Variants in GAB2 observed in about 807,000 individuals in gnomAD.
GAB2 encodes GRB2-associated-binding protein 2.
GAB2 carries 26 observed loss-of-function variants against 65.5 expected under a neutral mutation model. The observed-to-expected ratio is 0.40, with a 90% CI of 0.29 to 0.55. The LOEUF is 0.55. Ranked by LOEUF, GAB2 falls within the 20% of genes least tolerant of loss-of-function variation. The pLI is 0.53. For missense variants in GAB2, 884 were observed against 875.8 expected (o/e 1.01, Z -0.12); for synonymous variants, 321 against 329.6 (o/e 0.97, Z 0.28).
intron 1 of GAB2, among the ~76,000 whole-genome samples, chr11:78,311,804 G>A (rs529535013): frequency 1.3e-5 from 2 of 152,246 alleles, no homozygotes; most frequent in South Asian, 2.1e-4. Context: ...GGAGCGAGGC[G>A]GTAGTTAGGT....
chr11:78,372,179 T>C (rs115126251), intron 1 of GAB2, among the ~76,000 whole-genome samples: 1,874 of 152,306 alleles, frequency 0.012, 32 homozygotes, highest in African/African-American at 0.043. Flanking sequence ...CCAGGCTTTG[T>C]ACAAAATACC....
At chr11:78,340,715 C>T (rs573536497) in intron 1 of GAB2, among the ~76,000 whole-genome samples, 1 of 151,988 alleles carries the variant, frequency 6.6e-6, no homozygotes, top group Non-Finnish European at 1.5e-5. Context: ...GTATTTACCA[C>T]GTGACAGATA....
At chr11:78,311,318 C>T (rs1300328156) in intron 1 of GAB2, among the ~76,000 whole-genome samples, 2 of 152,066 alleles carry the variant, frequency 1.3e-5, no homozygotes, top group Admixed American at 6.5e-5. Flanking sequence ...TTTCATATAC[C>T]TAAGCCTCAG....
chr11:78,217,555 G>T lies in GAB2; in HGVS notation c.*1717C>A, dbSNP rs186554426. ...GCAGGAAGTCATTGTTTGGGAGGAA[G>T]AAGTTCTGTTCGCCCCAGGGTAGAA... On this transcript the variant is annotated 3_prime_UTR_variant, in exon 10 of 10. Transcript: ENST00000361507. 1 of 152,370 alleles carries T rather than the reference G, an allele frequency of 6.6e-6. No individual in the cohort carries two copies. Among genetic ancestry groups the T allele is most frequent in the Non-Finnish European group, 1.5e-5 (1 of 68,076 alleles). 9.4% of individuals were successfully genotyped at this position (152,370 alleles called of 1,614,324 possible).
intron 1 of GAB2, among the ~76,000 whole-genome samples, chr11:78,400,420 G>A (rs1324889599): frequency 1.3e-5 from 2 of 152,196 alleles, no homozygotes; most frequent in African/African-American, 2.4e-5. Context: ...TGAAGGCAGG[G>A]ATGAGTACTG....
chr11:78,251,446 A>G (rs1865454225), intron 2 of GAB2, among the ~76,000 whole-genome samples: 1 of 152,158 alleles, frequency 6.6e-6, no homozygotes, highest in Non-Finnish European at 1.5e-5. Flanking sequence ...TTATAGTACT[A>G]CACCCCAAGC....
chr11:78,280,086 TTCC>T (rs1866290768), intron 2 of GAB2, among the ~76,000 whole-genome samples: 1 of 152,230 alleles, frequency 6.6e-6, no homozygotes, highest in African/African-American at 2.4e-5. Context: ...AAATCACTGT[TTCC>T]TCCTTTTATC....
At chr11:78,384,100 ACC>A (rs895232514) in intron 1 of GAB2, among the ~76,000 whole-genome samples, 2 of 152,094 alleles carry the variant, frequency 1.3e-5, no homozygotes, top group African/African-American at 4.8e-5. Context: ...TTTGTACCAA[ACC>A]TGCACTCTCA....
intron 1 of GAB2, among the ~76,000 whole-genome samples, chr11:78,382,229 A>C (rs1356894249): frequency 6.6e-6 from 1 of 152,084 alleles, no homozygotes; most frequent in Non-Finnish European, 1.5e-5. Flanking sequence ...GCTCTCAGTT[A>C]ACCGTTGATT....
At chr11:78,233,295 A>C (rs1015160371) in intron 3 of GAB2, among the ~76,000 whole-genome samples, 6 of 152,160 alleles carry the variant, frequency 3.9e-5, no homozygotes, top group Admixed American at 3.3e-4. Flanking sequence ...TTGGTCTCCC[A>C]AAGTGCTGGG....
chr11:78,233,378 G>C (rs1470247883), intron 3 of GAB2, among the ~76,000 whole-genome samples: 1 of 152,162 alleles, frequency 6.6e-6, no homozygotes, highest in Non-Finnish European at 1.5e-5. Context: ...AGGTAAAGCA[G>C]AATCTCACTG....
At chr11:78,270,210 C>T (rs920337104) in intron 2 of GAB2, among the ~76,000 whole-genome samples, 3 of 152,060 alleles carry the variant, frequency 2.0e-5, no homozygotes, top group Admixed American at 2.0e-4. Context: ...GCCTGTAATC[C>T]CAGCTACTCA....
At chr11:78,290,676 T>A (rs886780486) in intron 1 of GAB2, among the ~76,000 whole-genome samples, 9 of 152,216 alleles carry the variant, frequency 5.9e-5, no homozygotes, top group Non-Finnish European at 1.3e-4. Flanking sequence ...CCTGGAGTCA[T>A]GATCATAGTG....
chr11:78,221,731 G>A lies in GAB2; in HGVS notation c.1707C>T (p.Thr569=), dbSNP rs747702687. 2.5e-6 allele frequency: 4 copies of A among 1,613,820 alleles called. No homozygotes were observed. Among genetic ancestry groups the A allele is most frequent in the Non-Finnish European group, 1.7e-6 (2 of 1,179,806 alleles). ...CTGAGTCTGTGCTGGTGATGCTCTGGGTGGAGATGGGGCGGCAGTACTGGG... is the reference window on the plus strand; with the variant it reads ...CTGAGTCTGTGCTGGTGATGCTCTGAGTGGAGATGGGGCGGCAGTACTGGG... The part of the protein sequence containing the change: ...SSSQYCRPIS[T]QSITSTDSGD... Residue 569 remains threonine (T), a synonymous_variant, in exon 8 of 10, where the codon ACC becomes ACT. Transcript: ENST00000361507.
intron 1 of GAB2, among the ~76,000 whole-genome samples, chr11:78,394,359 T>C (rs1378943379): frequency 2.0e-5 from 3 of 152,232 alleles, no homozygotes; most frequent in Non-Finnish European, 4.4e-5. Flanking sequence ...GCTCCTGCAC[T>C]GTCCCTCTCC....
chr11:78,219,396 G>A lies in GAB2; in HGVS notation c.1907C>T (p.Thr636Ile), dbSNP rs2134449451. The A allele has an allele frequency of 6.2e-7, 1 of 1,613,966 alleles. No individual in the cohort carries two copies. The highest frequency in any genetic ancestry group is 2.2e-5 in the East Asian group (1 of 44,864). Residue 636 changes from threonine (T) to isoleucine (I), a missense_variant, in exon 10 of 10, where the codon ACC (threonine) becomes ATC (isoleucine). Physicochemically the swap from Thr to Ile is moderately conservative, Grantham distance 89 (BLOSUM62 -1). Transcript: ENST00000361507. Reference protein sequence around the residue: ...PHRKPSTSSVTSDEKVDYVQV... With the variant: ...PHRKPSTSSVISDEKVDYVQV... ...AACGTAGTCCACCTTCTCATCAGAG[G>A]TGACGGATGAAGTAGATGGCTGAGG...
chr11:78,390,836 T>C (rs771906056), intron 1 of GAB2, among the ~76,000 whole-genome samples: 2 of 152,318 alleles, frequency 1.3e-5, no homozygotes, highest in African/African-American at 2.4e-5. Flanking sequence ...ATAGTAAGCA[T>C]TACATAATCC....
At chr11:78,307,636 T>C (rs1465460407) in intron 1 of GAB2, among the ~76,000 whole-genome samples, 1 of 98,742 alleles carries the variant, frequency 1.0e-5, no homozygotes, top group Non-Finnish European at 1.9e-5. Flanking sequence ...GAGAGAGAGA[T>C]GTTGAGTCAA....
intron 1 of GAB2, among the ~76,000 whole-genome samples, chr11:78,309,131 GAA>G (rs1031253560): frequency 2.6e-5 from 4 of 152,162 alleles, no homozygotes; most frequent in Non-Finnish European, 4.4e-5. Context: ...GCGGGAGAGA[GAA>G]GAGTCAAAAG....
Sources: gnomAD v4.1 joint callset for allele counts (sites outside exome capture counted in the v4.1 genomes callset) on GRCh38, gnomAD v4.1.1 for gene constraint, MANE v1.5 for transcripts, NCBI Gene and HGNC (gene_info 2026-07-23, HGNC 2026-07-21) for gene names.